The following CACNA1F variants were observed in gnomAD, a reference collection of about 807,000 sequenced individuals.
The protein encoded by CACNA1F is calcium voltage-gated channel subunit alpha1 F.
In CACNA1F, 59 loss-of-function variants were observed where a neutral mutation model predicts 143.8. The observed-to-expected ratio is 0.41, with a 90% CI of 0.33 to 0.51. The LOEUF (loss-of-function observed/expected upper bound fraction) is 0.51, where lower values mean the gene tolerates loss of function less well. Among genes scored for constraint, CACNA1F ranks in the 20% least tolerant of loss-of-function variants. CACNA1F has a pLI of 0.22. For synonymous variants in CACNA1F, 643 were observed against 649.1 expected (o/e 0.99, Z 0.14); for missense variants, 1,411 against 1,647.5 (o/e 0.86, Z 2.48).
Position 49,212,965 on chromosome X carries a change from G to A in CACNA1F, c.3813+9C>T. On this transcript the variant is annotated intron_variant, in intron 32 of 47. Coordinates refer to ENST00000323022, the MANE Select transcript of CACNA1F (RefSeq NM_001256789.3). ...GAAGCAGAGAGTCCCTGTTATTAGG[G>A]TGGGCTACCTCGCCAAGGTGGCCAC... The A allele has an allele frequency of 5.0e-6, 6 of 1,203,024 alleles. No homozygotes were observed. Among genetic ancestry groups the A allele is most frequent in the Non-Finnish European group, 6.7e-6 (6 of 889,742 alleles).
At chrX:49,206,465 C>A in intron 46 of CACNA1F, 46 bp downstream of exon 46, 1 of 869,064 alleles carries the variant, frequency 1.2e-6, no homozygotes. Context: ...TAGGCTGCCC[C>A]CATCTCTCCA....
intron 19 of CACNA1F, among the ~76,000 whole-genome samples, 157 bp downstream of exon 19, chrX:49,220,316 T>G (rs782777411): frequency 1.3e-4 from 15 of 112,085 alleles, no homozygotes; most frequent in Admixed American, 1.3e-3. Context: ...ACCTCAATGT[T>G]CCCAAATGTT....
At chrX:49,231,546 C>A in intron 2 of CACNA1F, 132 bp downstream of exon 2, 2 of 874,740 alleles carry the variant, frequency 2.3e-6, no homozygotes, top group Non-Finnish European at 1.7e-6. Context: ...TCTGAACCTG[C>A]CCCCCAACCC....
intron 21 of CACNA1F, 52 bp downstream of exon 21, chrX:49,219,269 G>A (rs1434003498): frequency 6.8e-6 from 8 of 1,175,829 alleles, no homozygotes; most frequent in Non-Finnish European, 8.0e-6. Context: ...GTGCCCACTA[G>A]GACACCCCTG....
chrX:49,225,029 G>T, intron 13 of CACNA1F, 43 bp from the exon 14 acceptor site: 1 of 902,514 alleles, frequency 1.1e-6, no homozygotes, highest in Non-Finnish European at 1.6e-6. Context: ...GCCAGTTTCT[G>T]TGGTGACATG....
chrX:49,209,954 G>A lies in CACNA1F; in HGVS notation c.4677C>T (p.Ile1559=). 1 of 1,201,489 alleles carries A rather than the reference G, an allele frequency of 8.3e-7. No homozygotes were observed. Among genetic ancestry groups the A allele is most frequent in the Non-Finnish European group, 1.1e-6 (1 of 886,005 alleles). The change falls in exon 40 of 48, where the codon ATC becomes ATT. Residue 1559 remains isoleucine, a synonymous_variant. Coordinates refer to ENST00000323022, the MANE Select transcript of CACNA1F (RefSeq NM_001256789.3). ...RMKQKLLDEV[I]PPPDEEEVTV... Reference sequence around the variant, plus strand: ...GGGATAGCTCACCGTCTGGTGGGGGGATGACCTCATCTAGCAGCTTCTGTT... The same window carrying A: ...GGGATAGCTCACCGTCTGGTGGGGGAATGACCTCATCTAGCAGCTTCTGTT...
intron 13 of CACNA1F, among the ~76,000 whole-genome samples, 160 bp downstream of exon 13, chrX:49,225,749 C>G (rs895843587): frequency 9.0e-6 from 1 of 111,416 alleles, no homozygotes; most frequent in Non-Finnish European, 1.9e-5. Flanking sequence ...CCTGTGTAAG[C>G]TACAAGGTGG....
At chrX:49,212,878 C>T (rs2065672342) in intron 32 of CACNA1F, 83 bp from the exon 33 acceptor site, 2 of 1,170,424 alleles carry the variant, frequency 1.7e-6, no homozygotes, top group Admixed American at 4.5e-5. Context: ...CCTCCCAGTA[C>T]CCAAATCACT....
chrX:49,208,859 T>A (rs1418653741), intron 42 of CACNA1F, 175 bp from the exon 43 acceptor site: 2 of 484,358 alleles, frequency 4.1e-6, no homozygotes, highest in Non-Finnish European at 3.6e-6. Flanking sequence ...TAGGGTCTTG[T>A]CCTGTCACCA....
Position 49,230,964 on chromosome X carries a change from A to C in CACNA1F, c.407T>G (p.Val136Gly). 1 of 1,162,525 alleles carries C rather than the reference A, an allele frequency of 8.6e-7. No individual in the cohort carries two copies. The highest frequency in any genetic ancestry group is 1.2e-6 in the Non-Finnish European group (1 of 862,006). The change falls in exon 4 of 48, where the codon GTG (valine) becomes GGG (glycine). Residue 136 changes from valine to glycine, a missense_variant. Around this residue, in one of 3 missense-constraint regions of CACNA1F, gnomAD observed 950 missense variants for 1,128.1 expected, o/e 0.84. Coordinates refer to ENST00000323022, the MANE Select transcript of CACNA1F (RefSeq NM_001256789.3). ...GAGCACCGTCTCCACAGTGAAAATC[A>C]CCAGGAATACGTACTCCACCTGCTC... is the stretch of plus-strand genomic sequence containing the variant. ...NLEQVEYVFLVIFTVETVLKI... is the reference protein window; with the variant it reads ...NLEQVEYVFLGIFTVETVLKI...
chrX:49,219,570 C>T (rs782655956), intron 20 of CACNA1F, 64 bp downstream of exon 20: 1 of 1,171,914 alleles, frequency 8.5e-7, no homozygotes, highest in East Asian at 3.2e-5. Context: ...CTTGGCTGCT[C>T]CTCCATGCTC....
chrX:49,206,700 G>T (rs2147890652), intron 45 of CACNA1F, 28 bp downstream of exon 45: 1 of 1,205,909 alleles, frequency 8.3e-7, no homozygotes, highest in Non-Finnish European at 1.1e-6. Flanking sequence ...GGCCCGTGGG[G>T]GCCCCTTGGA....
intron 17 of CACNA1F, among the ~76,000 whole-genome samples, chrX:49,221,442 T>A (rs181812564): frequency 3.6e-4 from 40 of 111,276 alleles, no homozygotes; most frequent in Non-Finnish European, 6.6e-4. Flanking sequence ...GGAGTCTCAC[T>A]CTATTGCTCA....
chrX:49,213,918 A>G lies in CACNA1F; in HGVS notation c.3709-16T>C, dbSNP rs1569527946. ...TGAAGTAATGCTGCAAGTAGGAGAA[A>G]AGCAGTGCCCTGTCTTCTCAAAGCT... On this transcript the variant is annotated splice_polypyrimidine_tract_variant and intron_variant, in intron 30 of 47. Transcript: ENST00000323022. The G allele has an allele frequency of 8.8e-7, 1 of 1,137,507 alleles. No homozygotes were observed. The highest frequency in any genetic ancestry group is 1.2e-6 in the Non-Finnish European group (1 of 831,655). The allele number at this position is 1,137,507 out of a possible 1,213,427, so 93.7% of individuals were successfully genotyped here. A position where few individuals can be genotyped will look rare whatever the true frequency, so the allele number is the denominator to read the frequency against.
intron 22 of CACNA1F, 54 bp downstream of exon 22, chrX:49,218,828 C>T (rs2065745311): frequency 1.8e-5 from 20 of 1,103,088 alleles, no homozygotes; most frequent in South Asian, 1.7e-4. Flanking sequence ...CTGCAAGAAC[C>T]GGTGGGGAGA....
chrX:49,217,454 T>C (rs1375420786), intron 26 of CACNA1F, among the ~76,000 whole-genome samples: 1 of 112,181 alleles, frequency 8.9e-6, no homozygotes, highest in Non-Finnish European at 1.9e-5. Flanking sequence ...AATGTCTGAC[T>C]TCACAGCCCA....
chrX:49,218,156 GC>G, intron 24 of CACNA1F, 151 bp from the exon 25 acceptor site: 1 of 492,392 alleles, frequency 2.0e-6, no homozygotes, highest in Non-Finnish European at 3.6e-6. Flanking sequence ...TGTTCAAGAG[GC>G]AGTGTTATGG....
At chrX:49,212,541 T>A in intron 33 of CACNA1F, 126 bp downstream of exon 33, 1 of 782,489 alleles carries the variant, frequency 1.3e-6, no homozygotes. Context: ...AAAGAGAAAA[T>A]TGGAATAATA....
Position 49,226,416 on chromosome X carries a change from G to C in CACNA1F, c.1456C>G (p.Arg486Gly). 8.5e-7 allele frequency: 1 copy of C among 1,183,391 alleles called. No individual in the cohort carries two copies. The highest frequency in any genetic ancestry group is 1.1e-6 in the Non-Finnish European group (1 of 880,162). ...EEEGALASCT[R>G]CLNKIMKTRV... is the part of the protein sequence containing the mutation. ...GGGGCTGGGGGCCCTCACAGGCAGC[G>C]TGTACAGCTGGCCAGAGCCCCCTCC... is the stretch of plus-strand genomic sequence containing the variant. Residue 486 changes from arginine (R) to glycine (G), a missense_variant, in exon 11 of 48, where the codon CGC (arginine) becomes GGC (glycine). This residue lies in a region of CACNA1F where 950 missense variants were observed against 1,128.1 expected (regional missense o/e 0.84). Coordinates refer to ENST00000323022, the MANE Select transcript of CACNA1F (RefSeq NM_001256789.3).
Sources: allele counts gnomAD v4.1 joint callset (sites outside exome capture counted in the v4.1 genomes callset), GRCh38; gene constraint gnomAD v4.1.1; regional missense constraint gnomAD v4.1.1; transcripts MANE v1.5; gene names NCBI Gene and HGNC (gene_info 2026-07-23, HGNC 2026-07-21).